CFAP61: variants seen among roughly 807,000 people sequenced by gnomAD.
The protein encoded by CFAP61 is cilia and flagella associated protein 61, also known as cilia- and flagella-associated protein 61.
A neutral mutation model predicts 135.6 loss-of-function variants in CFAP61; 107 were observed. The observed-to-expected ratio is 0.79, with a 90% CI of 0.67 to 0.93. The LOEUF (loss-of-function observed/expected upper bound fraction) is 0.93, where lower values mean the gene tolerates loss of function less well. Ranked by LOEUF, CFAP61 falls within the 40% of genes least tolerant of loss-of-function variation. The probability of loss-of-function intolerance (pLI) is 0.00; values close to 1 mark genes in which losing one functional copy is unlikely to be tolerated. For missense variants in CFAP61, 1,507 were observed against 1,556.2 expected (o/e 0.97, Z 0.53); for synonymous variants, 575 against 578.5 (o/e 0.99, Z 0.09).
At chr20:20,169,717 C>G (rs564189811) in intron 13 of CFAP61, among the ~76,000 whole-genome samples, 54 of 152,186 alleles carry the variant, frequency 3.5e-4, no homozygotes, top group African/African-American at 1.3e-3. Flanking sequence ...ATTCTGTAGG[C>G]AGAACAATGT....
At chr20:20,205,435 T>G (rs1010044463) in intron 17 of CFAP61, among the ~76,000 whole-genome samples, 1 of 152,230 alleles carries the variant, frequency 6.6e-6, no homozygotes, top group African/African-American at 2.4e-5. Flanking sequence ...TGTCTTTAAC[T>G]ACTACAGATA....
intron 26 of CFAP61, among the ~76,000 whole-genome samples, chr20:20,343,215 T>C (rs536364879): frequency 4.6e-5 from 7 of 152,260 alleles, no homozygotes; most frequent in African/African-American, 7.2e-5. Flanking sequence ...CTCCGGGGTG[T>C]CTCACCCCAA....
intron 17 of CFAP61, chr20:20,200,961 C>T: frequency 1.0e-6 from 1 of 985,280 alleles, no homozygotes; most frequent in African/African-American, 1.7e-5. Flanking sequence ...TTACATTCAT[C>T]TTTATATTTG....
intron 25 of CFAP61, among the ~76,000 whole-genome samples, chr20:20,325,386 G>T (rs887762626): frequency 6.6e-6 from 1 of 152,102 alleles, no homozygotes; most frequent in Admixed American, 6.6e-5. Context: ...GTGCCTACTC[G>T]TGCCTTCCTC....
chr20:20,186,407 G>A (rs1424064512), intron 13 of CFAP61, among the ~76,000 whole-genome samples: 1 of 152,138 alleles, frequency 6.6e-6, no homozygotes, highest in African/African-American at 2.4e-5. Flanking sequence ...ATCATACTCT[G>A]TTTATCCATT....
chr20:20,233,896 CT>C (rs1016703359), intron 18 of CFAP61, among the ~76,000 whole-genome samples: 15 of 152,032 alleles, frequency 9.9e-5, no homozygotes, highest in African/African-American at 3.4e-4. Flanking sequence ...GCTTATTGTC[CT>C]TTTTTTGTGG....
intron 9 of CFAP61, among the ~76,000 whole-genome samples, chr20:20,149,631 T>C (rs749495411): frequency 2.6e-5 from 4 of 152,204 alleles, no homozygotes; most frequent in Admixed American, 2.0e-4. Flanking sequence ...TACCTGCCAC[T>C]GAAATGGATT....
chr20:20,298,079 A>G, intron 24 of CFAP61, 102 bp from the exon 25 acceptor site: 1 of 776,058 alleles, frequency 1.3e-6, no homozygotes, highest in Non-Finnish European at 2.2e-6. Context: ...GGGATAAGAT[A>G]TAACCTGTCT....
chr20:20,145,115 C>G (rs1161205205), intron 9 of CFAP61, among the ~76,000 whole-genome samples: 1 of 152,016 alleles, frequency 6.6e-6, no homozygotes, highest in Non-Finnish European at 1.5e-5. Context: ...GAAATGGTAA[C>G]AAAGTGGGTA....
intron 25 of CFAP61, among the ~76,000 whole-genome samples, chr20:20,322,142 C>T (rs1477192841): frequency 6.6e-6 from 1 of 152,124 alleles, no homozygotes; most frequent in African/African-American, 2.4e-5. Context: ...GAAGAAGCTT[C>T]CAGATGGTTT....
intron 8 of CFAP61, among the ~76,000 whole-genome samples, chr20:20,127,694 G>A (rs1046591973): frequency 6.6e-6 from 1 of 151,680 alleles, no homozygotes; most frequent in Admixed American, 6.6e-5. Flanking sequence ...GTGGTTTAAT[G>A]CTCTATTTTT....
At chr20:20,216,266 C>T (rs952737122) in intron 17 of CFAP61, among the ~76,000 whole-genome samples, 6 of 152,140 alleles carry the variant, frequency 3.9e-5, no homozygotes, top group Admixed American at 2.0e-4. Flanking sequence ...CGCTGACGTG[C>T]GTGTGAGAAA....
chr20:20,176,706 T>G (rs977340958), intron 13 of CFAP61, among the ~76,000 whole-genome samples: 1 of 151,506 alleles, frequency 6.6e-6, no homozygotes, highest in African/African-American at 2.4e-5. Context: ...CAACACACAT[T>G]GGGGCCTGTC....
chr20:20,246,801 A>C (rs759910067), intron 19 of CFAP61, among the ~76,000 whole-genome samples: 3 of 152,164 alleles, frequency 2.0e-5, no homozygotes, highest in Non-Finnish European at 4.4e-5. Flanking sequence ...ACAAGCTCCT[A>C]ATTTTTCCAA....
At chr20:20,095,551 A>C (rs1329657827) in intron 7 of CFAP61, 1 of 152,282 alleles carries the variant, frequency 6.6e-6, no homozygotes, top group African/African-American at 2.4e-5. Flanking sequence ...CCATCACTTC[A>C]TACAAGTTCC....
intron 26 of CFAP61, among the ~76,000 whole-genome samples, chr20:20,345,731 G>T (rs2058604142): frequency 6.6e-6 from 1 of 151,916 alleles, no homozygotes; most frequent in African/African-American, 2.4e-5. Context: ...GACTAGCCTG[G>T]CCAACATGGT....
chr20:20,315,673 C>T (rs2057086180), intron 25 of CFAP61, among the ~76,000 whole-genome samples: 1 of 152,002 alleles, frequency 6.6e-6, no homozygotes, highest in Non-Finnish European at 1.5e-5. Context: ...GGTTTTAGGT[C>T]TAACGTTTAA....
At chr20:20,067,670 ATATT>A (rs1192386206) in intron 2 of CFAP61, among the ~76,000 whole-genome samples, 1 of 141,656 alleles carries the variant, frequency 7.1e-6, no homozygotes, top group Non-Finnish European at 1.5e-5. Context: ...TATAATATAT[ATATT>A]TATATTATAT....
At chr20:20,258,906 G>A (rs2051905468) in intron 20 of CFAP61, among the ~76,000 whole-genome samples, 1 of 152,130 alleles carries the variant, frequency 6.6e-6, no homozygotes, top group African/African-American at 2.4e-5. Context: ...GTTTGCCCAG[G>A]GTCAGTTAGT....
Sources: gnomAD v4.1 joint callset for allele counts (sites outside exome capture counted in the v4.1 genomes callset) on GRCh38, gnomAD v4.1.1 for gene constraint, MANE v1.5 for transcripts, NCBI Gene and HGNC (gene_info 2026-07-23, HGNC 2026-07-21) for gene names.